Variants in ITGA11 observed in about 807,000 individuals in gnomAD.
ITGA11 encodes integrin subunit alpha 11.
A neutral mutation model predicts 141.9 loss-of-function variants in ITGA11; 97 were observed. The observed-to-expected ratio is 0.68, with a 90% CI of 0.58 to 0.81. The LOEUF is 0.81. Among genes scored for constraint, ITGA11 ranks in the 30% least tolerant of loss-of-function variants. The probability of loss-of-function intolerance (pLI) is 0.00; values close to 1 mark genes in which losing one functional copy is unlikely to be tolerated. For missense variants in ITGA11, 1,387 were observed against 1,559.2 expected (o/e 0.89, Z 1.86); for synonymous variants, 658 against 624.6 (o/e 1.05, Z -0.80).
Position 68,335,769 on chromosome 15 carries a change from C to T in ITGA11, c.1353G>A (p.Thr451=), listed in dbSNP as rs569569932. 231 of 1,613,796 alleles carry T rather than the reference C, an allele frequency of 1.4e-4. 2 individuals are homozygous for T. In the South Asian group the frequency reaches 1.9e-3, roughly 13 times the overall value. ...YVAGAPRFNH[T]GKVILFTMHN... is the part of the protein sequence containing the mutation. ...GCATGGTGAACAGGATGACCTTGCCCGTGTGGTTGAACCGGGGGGCTCCGG... is the reference window on the plus strand; with the variant it reads ...GCATGGTGAACAGGATGACCTTGCCTGTGTGGTTGAACCGGGGGGCTCCGG... Residue 451 remains threonine, a synonymous_variant, in exon 12 of 30, where the codon ACG becomes ACA. Coordinates refer to ENST00000315757, the MANE Select transcript of ITGA11 (RefSeq NM_001004439.2). This position sits in a 1 kb window ranked among gnomAD's most constrained non-coding sequence, Gnocchi z 4.9.
chr15:68,312,157 A>T (rs6494731), intron 24 of ITGA11, among the ~76,000 whole-genome samples: 1 of 152,240 alleles, frequency 6.6e-6, no homozygotes, highest in South Asian at 2.1e-4. Context: ...CCTAACTCTC[A>T]TTCTCCCACT....
chr15:68,399,011 A>C (rs1295684020), intron 2 of ITGA11, among the ~76,000 whole-genome samples: 1 of 151,966 alleles, frequency 6.6e-6, no homozygotes, highest in Non-Finnish European at 1.5e-5. Context: ...TTGAACGTAT[A>C]AATTCAGTAT....
chr15:68,336,902 T>G (rs1204116465), intron 11 of ITGA11, among the ~76,000 whole-genome samples: 3 of 152,070 alleles, frequency 2.0e-5, no homozygotes, highest in African/African-American at 4.8e-5. Context: ...TGCCTGGGGG[T>G]GAACTGCTCT....
chr15:68,376,244 G>C (rs1222645530), intron 2 of ITGA11, among the ~76,000 whole-genome samples: 5 of 129,978 alleles, frequency 3.8e-5, no homozygotes, highest in Non-Finnish European at 8.2e-5. Context: ...TTTTTCACCT[G>C]GGCTGCTATA....
intron 19 of ITGA11, 110 bp from the exon 20 acceptor site, chr15:68,320,502 C>G (rs1893767974): frequency 2.5e-6 from 2 of 799,742 alleles, no homozygotes; most frequent in African/African-American, 3.4e-5. Flanking sequence ...TGACTGGCCT[C>G]TGCTCATGGG....
Position 68,308,997 on chromosome 15 carries a change from C to T in ITGA11, c.3175-1301G>A, listed in dbSNP as rs149606833. Among the ~76,000 whole-genome samples, 13 of 152,302 alleles carry T rather than the reference C, an allele frequency of 8.5e-5. No individual in the cohort carries two copies. In the East Asian group the frequency reaches 2.1e-3, roughly 25 times the overall value. ...AGCAAAATTTCCGCTTGACGGGTGC[C>T]CAATCTGTTGCACCCAGATCAGCTG... On this transcript the variant is annotated intron_variant, in intron 26 of 29. Coordinates refer to ENST00000315757, the MANE Select transcript of ITGA11 (RefSeq NM_001004439.2). This position sits in a 1 kb window ranked among gnomAD's most constrained non-coding sequence, Gnocchi z 5.2.
intron 10 of ITGA11, among the ~76,000 whole-genome samples, chr15:68,344,059 A>G (rs1380883): frequency 0.56 from 84,593 of 151,954 alleles, 23,746 homozygotes; most frequent in Admixed American, 0.6. Context: ...TGGGAAAGAG[A>G]CCCAGGAGTG....
At chr15:68,369,108 A>C (rs1468160485) in intron 3 of ITGA11, 76 bp downstream of exon 3, 13 of 989,274 alleles carry the variant, frequency 1.3e-5, no homozygotes, top group Non-Finnish European at 2.1e-5. Context: ...GACCATGGAC[A>C]TGGGCGTGCA....
Position 68,320,070 on chromosome 15 carries a change from A to G in ITGA11, c.2616+115T>C, listed in dbSNP as rs1893742854. ...CTCCCAAAGTGCTAGGATTACAGGC[A>G]TGAGCCACTGCATCCAGCTTTCTTG... On this transcript the variant is annotated intron_variant, in intron 20 of 29. Transcript: ENST00000315757. 5.7e-6 allele frequency: 5 copies of G among 876,732 alleles called. No individual in the cohort carries two copies. The Admixed American group carries it at 1.0e-4, about 18-fold the overall frequency. 54.3% of individuals were successfully genotyped at this position (876,732 alleles called of 1,614,324 possible).
At chr15:68,358,017 A>G (rs1895122990) in intron 6 of ITGA11, among the ~76,000 whole-genome samples, 2 of 152,218 alleles carry the variant, frequency 1.3e-5, no homozygotes, top group Admixed American at 6.5e-5. Flanking sequence ...TCACTCAGGC[A>G]GAATAAAAGG....
At chr15:68,371,857 T>G (rs1157494267) in intron 2 of ITGA11, among the ~76,000 whole-genome samples, 1 of 152,054 alleles carries the variant, frequency 6.6e-6, no homozygotes, top group Non-Finnish European at 1.5e-5. Flanking sequence ...GTAAATTCAC[T>G]AAGTCACTGT....
At chr15:68,314,830 G>T (rs1397665470) in intron 22 of ITGA11, among the ~76,000 whole-genome samples, 1 of 152,186 alleles carries the variant, frequency 6.6e-6, no homozygotes, top group Non-Finnish European at 1.5e-5. Flanking sequence ...CAGCGCTTAT[G>T]TGACCTCTGA....
chr15:68,416,883 T>G (rs1328347237), intron 1 of ITGA11, among the ~76,000 whole-genome samples: 2 of 152,122 alleles, frequency 1.3e-5, no homozygotes, highest in African/African-American at 4.8e-5. Flanking sequence ...ACCACTGCAC[T>G]CCAAACCGGG....
At chr15:68,427,294 C>T (rs1897165569) in intron 1 of ITGA11, among the ~76,000 whole-genome samples, 1 of 152,188 alleles carries the variant, frequency 6.6e-6, no homozygotes, top group South Asian at 2.1e-4. Flanking sequence ...GTGCCAGACA[C>T]TGTTCTCAGC....
At chr15:68,415,183 T>C (rs1203333997) in intron 1 of ITGA11, among the ~76,000 whole-genome samples, 1 of 152,262 alleles carries the variant, frequency 6.6e-6, no homozygotes. Flanking sequence ...TCTCTCCTAT[T>C]CCTTATTCCT....
chr15:68,415,275 A>G (rs770844544), intron 1 of ITGA11, among the ~76,000 whole-genome samples: 5 of 152,204 alleles, frequency 3.3e-5, no homozygotes, highest in Non-Finnish European at 7.3e-5. Flanking sequence ...TGTGCAGGTC[A>G]GAACGCAGCT....
chr15:68,331,792 A>G, intron 14 of ITGA11, 67 bp downstream of exon 14: 1 of 1,361,288 alleles, frequency 7.3e-7, no homozygotes, highest in Non-Finnish European at 1.0e-6. Flanking sequence ...GAGGCACAGA[A>G]GCTCCTGGGA....
At position 68,363,938 on chromosome 15, in the gene ITGA11, C is replaced by T. The variant is rs78475079; in HGVS notation, c.357+769G>A. ...CCCCAAAGTCCTATTAGACATTACT[C>T]GTTTGCTTGTCGCCTCTCTTTCCAC... On this transcript the variant is annotated intron_variant, in intron 4 of 29. Transcript: ENST00000315757. Among the ~76,000 whole-genome samples the T allele has an allele frequency of 5.3e-5, 8 of 152,318 alleles. 1 individual carries two copies. Among genetic ancestry groups the T allele is most frequent in the Non-Finnish European group, 1.0e-4 (7 of 68,034 alleles).
intron 1 of ITGA11, among the ~76,000 whole-genome samples, chr15:68,407,136 T>A (rs1896668349): frequency 6.6e-6 from 1 of 152,076 alleles, no homozygotes; most frequent in African/African-American, 2.4e-5. Context: ...GCCTTTGGGT[T>A]CCAGCAGGGA....
Sources: allele counts gnomAD v4.1 joint callset (sites outside exome capture counted in the v4.1 genomes callset), GRCh38; gene constraint gnomAD v4.1.1; non-coding constraint Gnocchi (gnomAD v3.1); transcripts MANE v1.5; gene names NCBI Gene and HGNC (gene_info 2026-07-23, HGNC 2026-07-21).